Variants in GABRB2 observed in about 807,000 individuals in gnomAD.
The protein encoded by GABRB2 is gamma-aminobutyric acid type A receptor subunit beta2, also known as gamma-aminobutyric acid receptor subunit beta-2.
Under a neutral mutation model 54.7 loss-of-function variants are expected in GABRB2, and 16 were observed. The ratio of observed to expected loss-of-function variants is 0.29; its 90% CI spans 0.20 to 0.44. GABRB2 has a LOEUF of 0.44. Among genes scored for constraint, GABRB2 ranks in the 20% least tolerant of loss-of-function variants. The probability of loss-of-function intolerance (pLI) is 1.00; values close to 1 mark genes in which losing one functional copy is unlikely to be tolerated. For synonymous variants in GABRB2, 244 were observed against 233.8 expected, an observed-to-expected ratio of 1.04 and a Z score of -0.40; for missense variants, 355 against 644.0, an observed-to-expected ratio of 0.55 and a Z score of 4.86.
chr5:161,462,328 T>C (rs1294024034), intron 3 of GABRB2, among the ~76,000 whole-genome samples: 2 of 152,214 alleles, frequency 1.3e-5, no homozygotes, highest in African/African-American at 4.8e-5. Flanking sequence ...TCATGAATTA[T>C]ATAACTAGAA....
chr5:161,386,621 C>G (rs1755646778), intron 5 of GABRB2, among the ~76,000 whole-genome samples: 1 of 151,950 alleles, frequency 6.6e-6, no homozygotes, highest in African/African-American at 2.4e-5. Flanking sequence ...CTTCTGCCTC[C>G]CAGGCTCAAG....
At position 161,357,732 on chromosome 5, in the gene GABRB2, T is replaced by G. The variant is rs148732074; in HGVS notation, c.542-20963A>C. Among the ~76,000 whole-genome samples the G allele has an allele frequency of 4.6e-5, 7 of 152,144 alleles. No individual in the cohort carries two copies. In the East Asian group the frequency reaches 1.4e-3, roughly 30 times the overall value. On this transcript the variant is annotated intron_variant, in intron 5 of 9. Transcript: ENST00000393959. ...GAAATGATGGAATTTTATAAATATT[T>G]TGAAGATCCAGCTAATAGGATCTTC...
intron 8 of GABRB2, among the ~76,000 whole-genome samples, chr5:161,327,156 C>T (rs1758391632): frequency 1.3e-5 from 2 of 151,920 alleles, no homozygotes; most frequent in South Asian, 4.2e-4. Context: ...CTCCAAAGGA[C>T]ACTTGGGAAA....
chr5:161,402,348 A>C (rs1309932558), intron 5 of GABRB2, among the ~76,000 whole-genome samples: 4 of 152,152 alleles, frequency 2.6e-5, no homozygotes, highest in African/African-American at 9.7e-5. Context: ...TAAATATTGC[A>C]TATGCAGTTA....
At chr5:161,499,143 G>A (rs190380125) in intron 3 of GABRB2, among the ~76,000 whole-genome samples, 84 of 152,202 alleles carry the variant, frequency 5.5e-4, no homozygotes, top group Non-Finnish European at 1.1e-3. Context: ...CTCTTCACTT[G>A]TCTTGTCTCA....
chr5:161,297,357 C>T (rs1238412374), intron 9 of GABRB2, among the ~76,000 whole-genome samples: 8 of 152,182 alleles, frequency 5.3e-5, no homozygotes, highest in Admixed American at 2.6e-4. Context: ...TAGGTATAAA[C>T]GTGCCATGGT....
chr5:161,521,410 G>A (rs1031422821), intron 3 of GABRB2, among the ~76,000 whole-genome samples: 4 of 151,642 alleles, frequency 2.6e-5, no homozygotes, highest in African/African-American at 9.7e-5. Flanking sequence ...ATAACTTTAG[G>A]TGATAACCAG....
At position 161,290,329 on chromosome 5, in the gene GABRB2, G is replaced by A. The variant is rs1019031871; in HGVS notation, c.*3752C>T. On this transcript the variant is annotated 3_prime_UTR_variant, in exon 10 of 10. Transcript: ENST00000393959. The stretch of plus-strand genomic sequence containing the variant: ...CATGTTTGTTTTTGACTCACCAATG[G>A]ACAATGTTATTTGTTTCCTTGAAAA... 2.6e-5 allele frequency: 4 copies of A among 152,112 alleles called. No individual in the cohort carries two copies. Among genetic ancestry groups the A allele is most frequent in the Non-Finnish European group, 4.4e-5 (3 of 67,926 alleles). 9.4% of individuals were successfully genotyped at this position (152,112 alleles called of 1,614,324 possible). A position where few individuals can be genotyped will look rare whatever the true frequency, so the allele number is the denominator to read the frequency against.
chr5:161,356,552 CAAAATATTG>C (rs1405230857), intron 5 of GABRB2, among the ~76,000 whole-genome samples: 1 of 151,946 alleles, frequency 6.6e-6, no homozygotes, highest in Admixed American at 6.6e-5. Context: ...AATGTGGACT[CAAAATATTG>C]AGAGAGTGAG....
At chr5:161,303,448 C>T (rs974572996) in intron 9 of GABRB2, among the ~76,000 whole-genome samples, 10 of 152,048 alleles carry the variant, frequency 6.6e-5, no homozygotes, top group Admixed American at 6.6e-5. Flanking sequence ...CTTTATGGAT[C>T]GGGGACCTAT....
chr5:161,297,180 G>A (rs1255260063), intron 9 of GABRB2, among the ~76,000 whole-genome samples: 1 of 152,130 alleles, frequency 6.6e-6, no homozygotes, highest in Admixed American at 6.6e-5. Flanking sequence ...GTAGGGTGGG[G>A]AAGGTGAGGT....
intron 5 of GABRB2, among the ~76,000 whole-genome samples, chr5:161,404,236 TA>T (rs1756284146): frequency 6.6e-6 from 1 of 151,972 alleles, no homozygotes; most frequent in Admixed American, 6.6e-5. Flanking sequence ...GAATGGAAAA[TA>T]AATTCCTCAC....
chr5:161,392,875 T>C (rs1755873393), intron 5 of GABRB2, among the ~76,000 whole-genome samples: 1 of 152,146 alleles, frequency 6.6e-6, no homozygotes. Flanking sequence ...AAAAAATTAT[T>C]AATGGGTTGA....
chr5:161,330,106 T>G (rs1753787911), intron 8 of GABRB2: 1 of 135,822 alleles, frequency 7.4e-6, no homozygotes, highest in South Asian at 2.1e-4. Flanking sequence ...GCTTCAGTAT[T>G]TTTTTTTAAT....
intron 5 of GABRB2, among the ~76,000 whole-genome samples, chr5:161,408,395 C>T (rs747295209): frequency 3.4e-4 from 52 of 152,000 alleles, no homozygotes; most frequent in Non-Finnish European, 7.4e-4. Flanking sequence ...ATAAAGGAGG[C>T]CAGGGATATT....
chr5:161,541,167 C>CT (rs34004032), intron 3 of GABRB2, among the ~76,000 whole-genome samples: 10,327 of 143,252 alleles, frequency 0.072, 637 homozygotes, highest in African/African-American at 0.18. Flanking sequence ...CAGTAAGAAT[C>CT]TTTTTTTTTT....
At chr5:161,520,103 A>G (rs1281690218) in intron 3 of GABRB2, among the ~76,000 whole-genome samples, 1 of 152,140 alleles carries the variant, frequency 6.6e-6, no homozygotes, top group Non-Finnish European at 1.5e-5. Context: ...AAATATAAGG[A>G]CATTAAAGAT....
At chr5:161,414,327 A>G (rs1183608161) in intron 4 of GABRB2, among the ~76,000 whole-genome samples, 1 of 152,190 alleles carries the variant, frequency 6.6e-6, no homozygotes, top group African/African-American at 2.4e-5. Context: ...ATATAACAAA[A>G]GTAGGAATGT....
At chr5:161,496,013 G>A (rs1355923749) in intron 3 of GABRB2, among the ~76,000 whole-genome samples, 2 of 152,096 alleles carry the variant, frequency 1.3e-5, no homozygotes, top group African/African-American at 4.8e-5. Flanking sequence ...CGGGAAGGTG[G>A]AGGTGTTAAG....
Sources: allele counts gnomAD v4.1 joint callset (sites outside exome capture counted in the v4.1 genomes callset), GRCh38; gene constraint gnomAD v4.1.1; transcripts MANE v1.5; gene names NCBI Gene and HGNC (gene_info 2026-07-23, HGNC 2026-07-21).